The following ZNRF3 variants were observed in gnomAD, a reference collection of about 807,000 sequenced individuals.
ZNRF3 encodes zinc and ring finger 3, also known as E3 ubiquitin-protein ligase ZNRF3.
ZNRF3 carries 23 observed loss-of-function variants against 72.5 expected under a neutral mutation model. The observed-to-expected ratio is 0.32, with a 90% CI of 0.23 to 0.45. The LOEUF (loss-of-function observed/expected upper bound fraction) is 0.45, where lower values mean the gene tolerates loss of function less well. Ranked by LOEUF, ZNRF3 falls within the 20% of genes least tolerant of loss-of-function variation. The pLI is 1.00. For synonymous variants in ZNRF3, 610 were observed against 545.3 expected, an observed-to-expected ratio of 1.12 and a Z score of -1.65; for missense variants, 1,169 against 1,272.1, an observed-to-expected ratio of 0.92 and a Z score of 1.23.
chr22:28,932,830 G>C (rs1251849165), intron 1 of ZNRF3, among the ~76,000 whole-genome samples: 1 of 152,200 alleles, frequency 6.6e-6, no homozygotes, highest in African/African-American at 2.4e-5. Context: ...AGGCTGAGAA[G>C]AGATTCATCA....
chr22:28,914,542 C>T (rs977279161), intron 1 of ZNRF3, among the ~76,000 whole-genome samples: 12 of 143,746 alleles, frequency 8.3e-5, no homozygotes, highest in African/African-American at 1.8e-4. Flanking sequence ...AGGCCGGGCA[C>T]GGTGGCTCAC....
At chr22:29,020,615 C>T (rs2036516129) in intron 2 of ZNRF3, among the ~76,000 whole-genome samples, 2 of 151,944 alleles carry the variant, frequency 1.3e-5, no homozygotes, top group African/African-American at 2.4e-5. Context: ...GTTGAATGCA[C>T]GGATGTGAAA....
At chr22:29,008,007 C>T (rs572300241) in intron 2 of ZNRF3, among the ~76,000 whole-genome samples, 6 of 152,158 alleles carry the variant, frequency 3.9e-5, no homozygotes, top group South Asian at 2.1e-4. Flanking sequence ...CCACCCACCT[C>T]GGCCTCCCAA....
At chr22:28,966,615 C>CA (rs970787265) in intron 1 of ZNRF3, among the ~76,000 whole-genome samples, 3 of 146,448 alleles carry the variant, frequency 2.0e-5, no homozygotes, top group Non-Finnish European at 3.0e-5. Context: ...TAATTTTTAA[C>CA]AAAAAAAGTT....
At chr22:28,945,702 G>A (rs894879372) in intron 1 of ZNRF3, among the ~76,000 whole-genome samples, 6 of 151,848 alleles carry the variant, frequency 4.0e-5, no homozygotes, top group Non-Finnish European at 5.9e-5. Flanking sequence ...GCTAATTTTT[G>A]TACTTTTAGT....
At chr22:28,977,289 C>T (rs1189115523) in intron 1 of ZNRF3, among the ~76,000 whole-genome samples, 1 of 152,140 alleles carries the variant, frequency 6.6e-6, no homozygotes, top group Non-Finnish European at 1.5e-5. Flanking sequence ...TAGTTTCTGA[C>T]CCATCACAGT....
At chr22:29,013,457 C>T (rs77191247) in intron 2 of ZNRF3, among the ~76,000 whole-genome samples, 39 of 152,226 alleles carry the variant, frequency 2.6e-4, no homozygotes, top group African/African-American at 9.4e-4. Flanking sequence ...AACATTGATC[C>T]CTCTAAAAAG....
intron 8 of ZNRF3, among the ~76,000 whole-genome samples, chr22:29,051,542 T>G (rs1443700487): frequency 2.0e-5 from 3 of 150,264 alleles, no homozygotes; most frequent in Non-Finnish European, 4.4e-5. Flanking sequence ...TGGCAGAGGT[T>G]GCAGTGAGCC....
intron 1 of ZNRF3, among the ~76,000 whole-genome samples, chr22:28,897,137 T>G (rs1443139912): frequency 6.6e-6 from 1 of 152,198 alleles, no homozygotes; most frequent in Non-Finnish European, 1.5e-5. Flanking sequence ...AAGTAGTGTT[T>G]GGTCACATCA....
At chr22:29,022,425 T>G (rs987682472) in intron 2 of ZNRF3, among the ~76,000 whole-genome samples, 1 of 152,184 alleles carries the variant, frequency 6.6e-6, no homozygotes, top group Non-Finnish European at 1.5e-5. Flanking sequence ...GACTGGAGAC[T>G]TGGGGAGCCT....
intron 1 of ZNRF3, among the ~76,000 whole-genome samples, chr22:28,976,880 A>G (rs951644755): frequency 2.6e-5 from 4 of 152,208 alleles, no homozygotes; most frequent in Admixed American, 6.5e-5. Context: ...CATCTTATCT[A>G]TTTGAAACTA....
At chr22:28,970,918 T>C (rs2035562811) in intron 1 of ZNRF3, among the ~76,000 whole-genome samples, 2 of 152,212 alleles carry the variant, frequency 1.3e-5, no homozygotes, top group Admixed American at 1.3e-4. Flanking sequence ...ATGAAAATGC[T>C]CTGTATCTTG....
chr22:28,988,618 T>C (rs1354710955), intron 2 of ZNRF3, among the ~76,000 whole-genome samples: 2 of 152,212 alleles, frequency 1.3e-5, no homozygotes, highest in Non-Finnish European at 2.9e-5. Context: ...CTTCATCATT[T>C]AAATAATTGG....
rs1228066921 is a variant in ZNRF3 at position 28,898,930 on chromosome 22, T to G, written c.300+14864T>G. Among the ~76,000 whole-genome samples the G allele has an allele frequency of 7.8e-4, 108 of 137,746 alleles. 5 individuals carry two copies. In the South Asian group the frequency reaches 0.016, roughly 20 times the overall value. 90.4% of individuals were successfully genotyped at this position (137,746 alleles called of 152,430 possible). ...TGTATAAGTTGACATGCTGAGGTTTTTTTTTTTTTTTTTTTTTTTTAACTG... is the reference window on the plus strand; with the variant it reads ...TGTATAAGTTGACATGCTGAGGTTTGTTTTTTTTTTTTTTTTTTTTAACTG... On this transcript the variant is annotated intron_variant, in intron 1 of 8. Transcript: ENST00000544604.
chr22:28,979,284 T>A (rs1473932824), intron 1 of ZNRF3, among the ~76,000 whole-genome samples: 1 of 152,240 alleles, frequency 6.6e-6, no homozygotes, highest in African/African-American at 2.4e-5. Context: ...TTTGTTTTGT[T>A]GTTGCTGACA....
chr22:28,983,757 A>G (rs1488827161), intron 1 of ZNRF3, among the ~76,000 whole-genome samples: 1 of 152,238 alleles, frequency 6.6e-6, no homozygotes, highest in East Asian at 1.9e-4. Flanking sequence ...TGTCCCATGA[A>G]ATAGTGTGAT....
chr22:29,018,027 G>T (rs1424271968), intron 2 of ZNRF3: 1 of 519,016 alleles, frequency 1.9e-6, no homozygotes, highest in South Asian at 1.4e-5. Context: ...TTCAGAAATG[G>T]GGGAACTGTG....
At chr22:29,027,591 C>A (rs1452860708) in intron 2 of ZNRF3, among the ~76,000 whole-genome samples, 1 of 152,158 alleles carries the variant, frequency 6.6e-6, no homozygotes. Context: ...TCCGACATAC[C>A]ACTGGGCTGA....
At chr22:29,001,805 A>ATCTG (rs1366995808) in intron 2 of ZNRF3, among the ~76,000 whole-genome samples, 1 of 151,072 alleles carries the variant, frequency 6.6e-6, no homozygotes, top group Non-Finnish European at 1.5e-5. Context: ...TGGTTTATCT[A>ATCTG]TTTTTTTCTT....
Sources: allele counts gnomAD v4.1 joint callset (sites outside exome capture counted in the v4.1 genomes callset), GRCh38; gene constraint gnomAD v4.1.1; transcripts MANE v1.5; gene names NCBI Gene and HGNC (gene_info 2026-07-23, HGNC 2026-07-21).